Variants in XG observed in about 807,000 individuals in gnomAD.
XG encodes Xg glycoprotein (Xg blood group), also known as glycoprotein Xg.
In XG, 24 loss-of-function variants were observed where a neutral mutation model predicts 25.7. That is an observed-to-expected ratio of 0.93 (90% CI 0.68 to 1.31). The LOEUF is 1.31. Ranked by LOEUF, XG falls within the 40% of genes most tolerant of loss-of-function variation. The pLI is 0.00. For missense variants in XG, 181 were observed against 187.6 expected, an observed-to-expected ratio of 0.96 and a Z score of 0.21; for synonymous variants, 77 against 69.2, an observed-to-expected ratio of 1.11 and a Z score of -0.56.
chrX:2,789,829 T>C (rs1337398996), intron 5 of XG, 123 bp downstream of exon 5: 3 of 325,671 alleles, frequency 9.2e-6, no homozygotes, highest in Non-Finnish European at 1.5e-5. Context: ...TATTTTACTT[T>C]ATTTTATTTG....
intron 4 of XG, among the ~76,000 whole-genome samples, chrX:2,783,498 G>C (rs1433743703): frequency 8.9e-6 from 1 of 112,658 alleles, no homozygotes; most frequent in Non-Finnish European, 1.9e-5. Flanking sequence ...GCGTGAAGCT[G>C]GCTAAATCAA....
chrX:2,776,193 T>C (rs1251179009), intron 3 of XG, among the ~76,000 whole-genome samples: 5 of 152,072 alleles, frequency 3.3e-5, no homozygotes, highest in Admixed American at 2.6e-4. Flanking sequence ...CGGCTAATGC[T>C]TAATAGTCTC....
rs748254748 is a variant in XG, at chrX:2,782,041, C to A, written c.128-25C>A. On this transcript the variant is annotated intron_variant, in intron 3 of 10. Coordinates refer to ENST00000644266, the MANE Select transcript of XG (RefSeq NM_001141919.2). ...AGGGAAGGACAATTTTCTTTTCTAA[C>A]AGTGCAATGTTGTTTCCTCCACAGA... is the stretch of plus-strand genomic sequence containing the variant. 6.7e-6 allele frequency: 8 copies of A among 1,202,177 alleles called. No individual in the cohort carries two copies. In the African/African-American group the frequency reaches 1.2e-4, roughly 18 times the overall value.
chrX:2,801,929 G>C (rs311193), intron 7 of XG, among the ~76,000 whole-genome samples: 128 of 109,119 alleles, frequency 1.2e-3, no homozygotes, highest in Non-Finnish European at 1.5e-3. Flanking sequence ...GGATGATCTC[G>C]ATCTCCTGAC....
intron 5 of XG, among the ~76,000 whole-genome samples, chrX:2,790,195 A>G (rs1224669077): frequency 4.5e-5 from 5 of 111,664 alleles, no homozygotes; most frequent in African/African-American, 1.6e-4. Context: ...AATCAGTATT[A>G]AAGTCCATTT....
chrX:2,782,013 C>T lies in XG; in HGVS notation c.128-53C>T, dbSNP rs2086733474. 6 of 1,162,939 alleles carry T rather than the reference C, an allele frequency of 5.2e-6. No individual in the cohort carries two copies. In the South Asian group the frequency reaches 9.0e-5, roughly 17 times the overall value. On this transcript the variant is annotated intron_variant, in intron 3 of 10. Transcript: ENST00000644266. The stretch of plus-strand genomic sequence containing the variant: ...ATGAGCTTGTTTCTGCAGCCTGCTC[C>T]TAAGGGAAGGACAATTTTCTTTTCT...
intron 5 of XG, among the ~76,000 whole-genome samples, chrX:2,794,131 C>T (rs1196609390): frequency 9.0e-6 from 1 of 110,751 alleles, no homozygotes; most frequent in South Asian, 3.9e-4. Flanking sequence ...TGCAAAGGTC[C>T]AGAGGCAGGA....
Position 2,752,457 on chromosome X carries a change from T to C in XG, c.61+122T>C, listed in dbSNP as rs2050354178. The C allele has an allele frequency of 2.2e-6, 3 of 1,354,142 alleles. No homozygotes were observed. In the Admixed American group the frequency reaches 7.4e-5, roughly 34 times the overall value. The allele number at this position is 1,354,142 out of a possible 1,614,324, so 83.9% of individuals were successfully genotyped here. ...ATGGGGATAATTTGCCCAATGGGAT[T>C]AGAAAGGAGACTAAGAGCGATGGGT... is the stretch of plus-strand genomic sequence containing the variant. On this transcript the variant is annotated intron_variant, in intron 1 of 10. Coordinates refer to ENST00000644266, the MANE Select transcript of XG (RefSeq NM_001141919.2).
rs144964722 is a variant in XG at position 2,804,134 on chromosome X, C to A, written c.374-2567C>A. ...CTGGGATTATAGGCTTGAGCCACTG[C>A]GCCCAGCCCTAAACTATAATTTTTA... On this transcript the variant is annotated intron_variant, in intron 7 of 10. Coordinates refer to ENST00000644266, the MANE Select transcript of XG (RefSeq NM_001141919.2). 8.2e-3 allele frequency among the ~76,000 whole-genome samples: 926 copies of A among 112,490 alleles called. 4 individuals carry two copies. The highest frequency in any genetic ancestry group is 9.6e-3 in the Non-Finnish European group (510 of 53,277).
At position 2,794,622 on chromosome X, in the gene XG, C is replaced by G. The variant is rs777135732; in HGVS notation, c.322+19C>G. Reference sequence around the variant, plus strand: ...CCTGCAGGTAGGTGCCGAGCCTCCCCAGATGCGACACATTGAATTTGCACA... The same window carrying G: ...CCTGCAGGTAGGTGCCGAGCCTCCCGAGATGCGACACATTGAATTTGCACA... On this transcript the variant is annotated intron_variant, in intron 6 of 10. Coordinates refer to ENST00000644266, the MANE Select transcript of XG (RefSeq NM_001141919.2). The G allele has an allele frequency of 2.2e-5, 27 of 1,205,356 alleles. No homozygotes were observed. The South Asian group carries it at 3.2e-4, about 14-fold the overall frequency.
intron 7 of XG, among the ~76,000 whole-genome samples, chrX:2,801,721 T>A (rs1180531977): frequency 9.0e-6 from 1 of 111,054 alleles, no homozygotes; most frequent in Non-Finnish European, 1.9e-5. Flanking sequence ...TTTTTTATTT[T>A]TTTTTGAGAC....
intron 1 of XG, among the ~76,000 whole-genome samples, chrX:2,767,731 G>T (rs1479509559): frequency 6.6e-6 from 1 of 152,162 alleles, no homozygotes; most frequent in Non-Finnish European, 1.5e-5. Flanking sequence ...AGGACAGGGG[G>T]CCCTGCCTGG....
chrX:2,805,321 C>T (rs1391485097), intron 7 of XG, among the ~76,000 whole-genome samples: 1 of 112,358 alleles, frequency 8.9e-6, no homozygotes, highest in Non-Finnish European at 1.9e-5. Flanking sequence ...TTGTAAATTA[C>T]AAGAGTCAGG....
Position 2,801,833 on chromosome X carries a change from C to T in XG, c.373+4473C>T, listed in dbSNP as rs961314105. On this transcript the variant is annotated intron_variant, in intron 7 of 10. Coordinates refer to ENST00000644266, the MANE Select transcript of XG (RefSeq NM_001141919.2). ...ACGCCATTCTCCTGCCTCAGCCTCC[C>T]GAGTAGCTGGGACTACAGGCGCCCG... 1.3e-3 allele frequency among the ~76,000 whole-genome samples: 141 copies of T among 110,937 alleles called. 1 individual carries two copies. The highest frequency in any genetic ancestry group is 4.1e-3 in the African/African-American group (124 of 30,326).
rs187425598 is a variant in XG, at chrX:2,797,422, C to T, written c.373+62C>T. 7.9e-6 allele frequency: 9 copies of T among 1,140,852 alleles called. No homozygotes were observed. The Admixed American group carries it at 2.1e-4, about 26-fold the overall frequency. 94.0% of individuals were successfully genotyped at this position (1,140,852 alleles called of 1,213,427 possible). On this transcript the variant is annotated intron_variant, in intron 7 of 10. Transcript: ENST00000644266. Reference sequence around the variant, plus strand: ...GGTGGGAGGGGTCATCTTTCTAGGGCTCCCGCTTGCACTCTGCCCTGGGCC... The same window carrying T: ...GGTGGGAGGGGTCATCTTTCTAGGGTTCCCGCTTGCACTCTGCCCTGGGCC...
chrX:2,784,006 A>AAACCAAACC (rs1569038647), intron 4 of XG, among the ~76,000 whole-genome samples: 4 of 107,235 alleles, frequency 3.7e-5, no homozygotes, highest in Non-Finnish European at 5.7e-5. Flanking sequence ...CAAACCAAAC[A>AAACCAAACC]AAACAAAACC....
At chrX:2,761,414 G>T (rs768176766) in intron 1 of XG, among the ~76,000 whole-genome samples, 2 of 151,338 alleles carry the variant, frequency 1.3e-5, no homozygotes. Context: ...TCTGTGGTTT[G>T]TAAGCCACCC....
chrX:2,799,647 A>G (rs1162109745), intron 7 of XG, among the ~76,000 whole-genome samples: 1 of 110,982 alleles, frequency 9.0e-6, no homozygotes, highest in Non-Finnish European at 1.9e-5. Context: ...CGATTTGCAT[A>G]TTGTCATGGT....
At chrX:2,780,216 T>C (rs1478507520) in intron 3 of XG, among the ~76,000 whole-genome samples, 3 of 149,876 alleles carry the variant, frequency 2.0e-5, no homozygotes, top group Non-Finnish European at 1.5e-5. Flanking sequence ...AAAAAGAAAA[T>C]GGAGGAGAGA....
Sources: gnomAD v4.1 joint callset for allele counts (sites outside exome capture counted in the v4.1 genomes callset) on GRCh38, gnomAD v4.1.1 for gene constraint, MANE v1.5 for transcripts, NCBI Gene and HGNC (gene_info 2026-07-23, HGNC 2026-07-21) for gene names.